BCL2: variants seen among roughly 807,000 people sequenced by gnomAD.
BCL2 encodes apoptosis regulator Bcl-2.
BCL2 carries 1 observed loss-of-function variant against 14.2 expected under a neutral mutation model. The observed-to-expected ratio is 0.07, with a 90% CI of 0.02 to 0.33. BCL2 has a LOEUF of 0.33. Ranked by LOEUF, BCL2 falls within the 10% of genes least tolerant of loss-of-function variation. The pLI, the probability that BCL2 is intolerant of heterozygous loss-of-function variation, is 0.99. For missense variants in BCL2, 247 were observed against 305.9 expected (o/e 0.81, Z 1.44); for synonymous variants, 151 against 137.2 (o/e 1.10, Z -0.70).
chr18:63,205,407 G>C (rs1394728169), intron 2 of BCL2, among the ~76,000 whole-genome samples: 1 of 152,160 alleles, frequency 6.6e-6, no homozygotes, highest in African/African-American at 2.4e-5. Context: ...ACTGTTTGTT[G>C]AGTCAAAAAA....
chr18:63,277,941 C>T (rs1051700627), intron 2 of BCL2, among the ~76,000 whole-genome samples: 1 of 152,226 alleles, frequency 6.6e-6, no homozygotes, highest in African/African-American at 2.4e-5. Flanking sequence ...TACAGAAACA[C>T]TCTATGGAGG....
chr18:63,315,819 C>A (rs1913479374), intron 2 of BCL2: 1 of 152,100 alleles, frequency 6.6e-6, no homozygotes, highest in Non-Finnish European at 1.5e-5. Context: ...CAAACACTAC[C>A]ACTTTTATTC....
At chr18:63,129,687 G>A (rs1914014312) in intron 2 of BCL2, among the ~76,000 whole-genome samples, 1 of 152,224 alleles carries the variant, frequency 6.6e-6, no homozygotes. Context: ...GCAGAGCCAG[G>A]CTTTGAACCC....
chr18:63,288,534 C>T (rs1394065755), intron 2 of BCL2, among the ~76,000 whole-genome samples: 2 of 152,128 alleles, frequency 1.3e-5, no homozygotes, highest in African/African-American at 4.8e-5. Flanking sequence ...TGCTATTAGT[C>T]AGTAGGCACA....
intron 2 of BCL2, among the ~76,000 whole-genome samples, chr18:63,254,710 A>G (rs948096127): frequency 6.6e-6 from 1 of 152,234 alleles, no homozygotes; most frequent in Non-Finnish European, 1.5e-5. Flanking sequence ...TGGGTTATAG[A>G]AAAGATACCA....
intron 2 of BCL2, among the ~76,000 whole-genome samples, chr18:63,169,703 T>C (rs528632472): frequency 1.3e-5 from 2 of 151,904 alleles, no homozygotes; most frequent in South Asian, 4.2e-4. Context: ...TTTGTATTTT[T>C]AGTAGAGAAG....
chr18:63,139,523 T>C (rs1199941624), intron 2 of BCL2, among the ~76,000 whole-genome samples: 1 of 152,226 alleles, frequency 6.6e-6, no homozygotes. Flanking sequence ...TCCATGGGCC[T>C]GATAATTTTC....
intron 2 of BCL2, among the ~76,000 whole-genome samples, chr18:63,174,051 A>G (rs1032225431): frequency 7.2e-5 from 11 of 152,240 alleles, no homozygotes; most frequent in African/African-American, 2.4e-4. Flanking sequence ...GAGAGGATAC[A>G]TAGCTGTAAT....
chr18:63,317,439 G>C (rs1245329054), intron 2 of BCL2: 5 of 687,250 alleles, frequency 7.3e-6, no homozygotes, highest in Non-Finnish European at 9.0e-6. Flanking sequence ...CTGGGAACAT[G>C]GCACACACTG....
intron 2 of BCL2, among the ~76,000 whole-genome samples, chr18:63,153,791 A>G (rs1445734601): frequency 6.6e-6 from 1 of 152,190 alleles, no homozygotes; most frequent in South Asian, 2.1e-4. Context: ...AGAATTCTCT[A>G]CACAGACCTG....
chr18:63,206,201 G>A (rs1909832049), intron 2 of BCL2, among the ~76,000 whole-genome samples: 1 of 152,212 alleles, frequency 6.6e-6, no homozygotes, highest in African/African-American at 2.4e-5. Flanking sequence ...TGTGCATCCT[G>A]GACCGCACCA....
chr18:63,304,918 G>C (rs1043396439), intron 2 of BCL2, among the ~76,000 whole-genome samples: 6 of 152,214 alleles, frequency 3.9e-5, no homozygotes, highest in Non-Finnish European at 5.9e-5. Flanking sequence ...TGCTAGTCAG[G>C]TGTCAACAAG....
At chr18:63,264,792 G>A (rs921136619) in intron 2 of BCL2, among the ~76,000 whole-genome samples, 1 of 101,856 alleles carries the variant, frequency 9.8e-6, no homozygotes, top group Non-Finnish European at 2.1e-5. Flanking sequence ...AGAGATTTGT[G>A]GCTCTTCCAG....
At chr18:63,235,873 T>C (rs1910815989) in intron 2 of BCL2, among the ~76,000 whole-genome samples, 1 of 151,118 alleles carries the variant, frequency 6.6e-6, no homozygotes, top group Non-Finnish European at 1.5e-5. Flanking sequence ...CCTTAAACTA[T>C]ATATATATAT....
At chr18:63,251,644 CA>C (rs537877070) in intron 2 of BCL2, among the ~76,000 whole-genome samples, 57 of 106,464 alleles carry the variant, frequency 5.4e-4, no homozygotes, top group Middle Eastern at 6.3e-3. Flanking sequence ...GACTCTGTCT[CA>C]AAAAAAAAAA....
At chr18:63,247,371 T>C (rs1424114874) in intron 2 of BCL2, among the ~76,000 whole-genome samples, 4 of 151,806 alleles carry the variant, frequency 2.6e-5, no homozygotes, top group African/African-American at 9.7e-5. Flanking sequence ...GCTAATTTTG[T>C]ATTTTTAGTA....
chr18:63,180,154 AC>A (rs887874694), intron 2 of BCL2, among the ~76,000 whole-genome samples: 1 of 151,984 alleles, frequency 6.6e-6, no homozygotes, highest in African/African-American at 2.4e-5. Flanking sequence ...TCCCTTCCAA[AC>A]CCACTACACA....
intron 2 of BCL2, among the ~76,000 whole-genome samples, chr18:63,269,809 T>A (rs935385778): frequency 1.3e-5 from 2 of 152,208 alleles, no homozygotes; most frequent in Non-Finnish European, 2.9e-5. Context: ...GGTAATCACA[T>A]GAAGGAGAAT....
chr18:63,131,537 A>G (rs554210002), intron 2 of BCL2, among the ~76,000 whole-genome samples: 1 of 152,332 alleles, frequency 6.6e-6, no homozygotes, highest in Admixed American at 6.5e-5. Context: ...TGCCTCTTCC[A>G]GGGAGCAACC....
Sources: allele counts gnomAD v4.1 joint callset (sites outside exome capture counted in the v4.1 genomes callset), GRCh38; gene constraint gnomAD v4.1.1; transcripts MANE v1.5; gene names NCBI Gene and HGNC (gene_info 2026-07-23, HGNC 2026-07-21).